CATSPERT: variants seen among roughly 807,000 people sequenced by gnomAD.
CATSPERT encodes the protein catsper channel auxiliary subunit tau, also known as cation channel sperm-associated targeting subunit tau.
the CATSPERT span, among the ~76,000 whole-genome samples, chr2:201,583,796 A>G: frequency 6.6e-6 from 1 of 152,180 alleles, no homozygotes; most frequent in East Asian, 1.9e-4. Flanking sequence ...GAGCAAAAAT[A>G]GACCCCCAAA....
At chr2:201,554,689 T>C in the CATSPERT span, 2 of 152,222 alleles carry the variant, frequency 1.3e-5, no homozygotes, top group Non-Finnish European at 2.9e-5. Flanking sequence ...TTAATCTTTC[T>C]ACATTTATTC....
the CATSPERT span, chr2:201,619,173 G>T: frequency 1.2e-6 from 2 of 1,600,090 alleles, no homozygotes; most frequent in Non-Finnish European, 8.6e-7. Context: ...CCGACGGCCC[G>T]CTACTGCGCA....
At chr2:201,599,404 G>T in the CATSPERT span, among the ~76,000 whole-genome samples, 1 of 151,792 alleles carries the variant, frequency 6.6e-6, no homozygotes, top group Non-Finnish European at 1.5e-5. Context: ...GCATATTGTG[G>T]AAGAAAAATA....
chr2:201,552,608 C>T, the CATSPERT span, among the ~76,000 whole-genome samples: 1 of 152,140 alleles, frequency 6.6e-6, no homozygotes, highest in Non-Finnish European at 1.5e-5. Context: ...GTGGGGCTTC[C>T]AGTCAACAGT....
the CATSPERT span, among the ~76,000 whole-genome samples, chr2:201,518,130 C>G: frequency 6.6e-6 from 1 of 152,140 alleles, no homozygotes; most frequent in African/African-American, 2.4e-5. Flanking sequence ...GTAGGTTAGC[C>G]AAGATTAAGG....
At chr2:201,496,979 C>T in the CATSPERT span, among the ~76,000 whole-genome samples, 23 of 152,310 alleles carry the variant, frequency 1.5e-4, no homozygotes, top group Non-Finnish European at 2.8e-4. Flanking sequence ...TCCACACTGC[C>T]AACTCATACA....
At chr2:201,489,433 T>A in the CATSPERT span, among the ~76,000 whole-genome samples, 1 of 152,136 alleles carries the variant, frequency 6.6e-6, no homozygotes, top group Admixed American at 6.5e-5. Flanking sequence ...CCCTCAATAC[T>A]AAGTTTCCGA....
At chr2:201,612,655 C>T in the CATSPERT span, among the ~76,000 whole-genome samples, 1 of 150,758 alleles carries the variant, frequency 6.6e-6, no homozygotes, top group Non-Finnish European at 1.5e-5. Context: ...GTGAGTGACA[C>T]AGAAGACAGG....
chr2:201,522,133 C>T, the CATSPERT span, among the ~76,000 whole-genome samples: 3 of 152,080 alleles, frequency 2.0e-5, no homozygotes, highest in Non-Finnish European at 2.9e-5. Context: ...CACTTTTATT[C>T]AACATAGTAC....
At chr2:201,541,186 G>A in the CATSPERT span, among the ~76,000 whole-genome samples, 1 of 152,138 alleles carries the variant, frequency 6.6e-6, no homozygotes, top group South Asian at 2.1e-4. Flanking sequence ...GGAATCTACT[G>A]CCAAAGATGC....
the CATSPERT span, chr2:201,492,227 C>A: frequency 2.0e-6 from 3 of 1,518,082 alleles, no homozygotes; most frequent in Non-Finnish European, 2.6e-6. Context: ...TGACAGTCAT[C>A]TCTAAAAGGT....
At chr2:201,619,049 G>A in the CATSPERT span, 3 of 1,614,026 alleles carry the variant, frequency 1.9e-6, no homozygotes, top group African/African-American at 2.7e-5. Flanking sequence ...TGCAATAGCG[G>A]GGTGGCGGAC....
the CATSPERT span, among the ~76,000 whole-genome samples, chr2:201,578,376 T>C: frequency 6.6e-6 from 1 of 152,132 alleles, no homozygotes; most frequent in Non-Finnish European, 1.5e-5. Context: ...GTGGTTGTCA[T>C]ATGCATTACC....
the CATSPERT span, chr2:201,494,768 T>C: frequency 6.7e-7 from 1 of 1,485,100 alleles, no homozygotes; most frequent in Non-Finnish European, 8.9e-7. Flanking sequence ...AACTGCAATA[T>C]TAAAAAAAAG....
At chr2:201,565,653 A>G in the CATSPERT span, 2 of 1,386,664 alleles carry the variant, frequency 1.4e-6, no homozygotes, top group Non-Finnish European at 1.9e-6. Flanking sequence ...AAAGGGAGAA[A>G]TTAATATATT....
At chr2:201,536,094 ACATTTTT>A in the CATSPERT span, 1 of 1,613,442 alleles carries the variant, frequency 6.2e-7, no homozygotes, top group Non-Finnish European at 8.5e-7. Context: ...TGGAAAAAAT[ACATTTTT>A]CATTTTTCTG....
At chr2:201,600,607 T>C in the CATSPERT span, among the ~76,000 whole-genome samples, 1 of 152,126 alleles carries the variant, frequency 6.6e-6, no homozygotes, top group South Asian at 2.1e-4. Context: ...AAAACTGTCT[T>C]CACTACTCAA....
chr2:201,566,725 T>C, the CATSPERT span, among the ~76,000 whole-genome samples: 2 of 152,286 alleles, frequency 1.3e-5, no homozygotes, highest in African/African-American at 4.8e-5. Flanking sequence ...TACCCAGTAT[T>C]GGGATGGCTG....
At chr2:201,495,974 T>TA in the CATSPERT span, 2 of 1,549,100 alleles carry the variant, frequency 1.3e-6, no homozygotes, top group South Asian at 1.2e-5. Context: ...AGCCACCTTA[T>TA]AAAAAAAGAA....
Sources: allele counts gnomAD v4.1 joint callset (sites outside exome capture counted in the v4.1 genomes callset), GRCh38; gene constraint gnomAD v4.1.1; transcripts MANE v1.5; gene names NCBI Gene and HGNC (gene_info 2026-07-23, HGNC 2026-07-21).